CDH13: variants seen among roughly 807,000 people sequenced by gnomAD.
The protein encoded by CDH13 is cadherin-13.
A neutral mutation model predicts 63.8 loss-of-function variants in CDH13; 24 were observed. That is an observed-to-expected ratio of 0.38 (90% CI 0.27 to 0.53). The LOEUF is 0.53. CDH13 is among the 20% of genes least tolerant of loss of function. The probability of loss-of-function intolerance (pLI) is 0.85; values close to 1 mark genes in which losing one functional copy is unlikely to be tolerated. For missense variants in CDH13, 1,049 were observed against 903.1 expected (o/e 1.16, Z -2.07); for synonymous variants, 503 against 355.3 (o/e 1.42, Z -4.67).
At chr16:82,657,459 A>T (rs75822763) in intron 1 of CDH13, among the ~76,000 whole-genome samples, 6,773 of 152,294 alleles carry the variant, frequency 0.044, 178 homozygotes, top group Non-Finnish European at 0.063. Context: ...TCCCGGCAGG[A>T]TGGAGTGGGA....
At chr16:83,212,900 A>C (rs778983688) in intron 4 of CDH13, among the ~76,000 whole-genome samples, 7 of 152,164 alleles carry the variant, frequency 4.6e-5, no homozygotes, top group Admixed American at 3.3e-4. Context: ...CTTGAGACCA[A>C]TTAGTCTAGA....
chr16:82,653,790 C>T (rs1255996857), intron 1 of CDH13, among the ~76,000 whole-genome samples: 1 of 152,136 alleles, frequency 6.6e-6, no homozygotes, highest in East Asian at 1.9e-4. Context: ...CAATGATCAG[C>T]ATGCTTGTGC....
At chr16:82,760,533 A>G (rs1312050217) in intron 1 of CDH13, among the ~76,000 whole-genome samples, 1 of 152,208 alleles carries the variant, frequency 6.6e-6, no homozygotes, top group African/African-American at 2.4e-5. Context: ...GTTTACAAAA[A>G]TGTACCAGTT....
intron 11 of CDH13, among the ~76,000 whole-genome samples, chr16:83,777,233 C>T (rs1915183523): frequency 6.6e-6 from 1 of 152,206 alleles, no homozygotes; most frequent in Non-Finnish European, 1.5e-5. Flanking sequence ...ACTGCCTTTC[C>T]GGAAAGCCTC....
At chr16:82,875,786 G>A (rs1437543287) in intron 2 of CDH13, among the ~76,000 whole-genome samples, 1 of 152,172 alleles carries the variant, frequency 6.6e-6, no homozygotes, top group Non-Finnish European at 1.5e-5. Context: ...TAATAGTAAA[G>A]GAGTGTTAGA....
At chr16:82,997,675 A>G (rs980239632) in intron 2 of CDH13, among the ~76,000 whole-genome samples, 3 of 152,238 alleles carry the variant, frequency 2.0e-5, no homozygotes, top group South Asian at 4.1e-4. Context: ...GGCACAAGAG[A>G]TTTTTCCACA....
intron 6 of CDH13, among the ~76,000 whole-genome samples, chr16:83,468,462 G>T (rs1294805381): frequency 6.6e-6 from 1 of 152,218 alleles, no homozygotes; most frequent in African/African-American, 2.4e-5. Flanking sequence ...AACTGTGAGA[G>T]ACCAAATATC....
At chr16:83,435,654 C>T (rs867850905) in intron 6 of CDH13, among the ~76,000 whole-genome samples, 36 of 152,270 alleles carry the variant, frequency 2.4e-4, no homozygotes, top group African/African-American at 6.5e-4. Flanking sequence ...TTCCCTGTAC[C>T]TCACATCTAA....
chr16:82,956,036 C>T (rs1447811652), intron 2 of CDH13, among the ~76,000 whole-genome samples: 1 of 152,170 alleles, frequency 6.6e-6, no homozygotes, highest in African/African-American at 2.4e-5. Context: ...TCATTGAACT[C>T]TCCAAGTGCA....
chr16:83,136,757 T>C (rs2036307854), intron 4 of CDH13, among the ~76,000 whole-genome samples: 1 of 152,084 alleles, frequency 6.6e-6, no homozygotes, highest in Non-Finnish European at 1.5e-5. Flanking sequence ...GGGTAGATGA[T>C]CAAACACCAG....
intron 5 of CDH13, among the ~76,000 whole-genome samples, chr16:83,314,032 C>T (rs1468635720): frequency 1.3e-5 from 2 of 152,192 alleles, no homozygotes; most frequent in Non-Finnish European, 2.9e-5. Flanking sequence ...TTCTGTATAT[C>T]AACTTAAACT....
chr16:83,733,329 C>G (rs1304210401), intron 10 of CDH13, among the ~76,000 whole-genome samples: 1 of 152,210 alleles, frequency 6.6e-6, no homozygotes, highest in Non-Finnish European at 1.5e-5. Context: ...GAGCTCTCTC[C>G]TTGTGAAACC....
At chr16:82,903,442 G>T (rs1208153593) in intron 2 of CDH13, among the ~76,000 whole-genome samples, 1 of 152,180 alleles carries the variant, frequency 6.6e-6, no homozygotes, top group Non-Finnish European at 1.5e-5. Context: ...GGGAGCCCTA[G>T]CTCATGGTCT....
At chr16:82,638,502 T>A (rs1230975380) in intron 1 of CDH13, among the ~76,000 whole-genome samples, 2 of 152,224 alleles carry the variant, frequency 1.3e-5, no homozygotes, top group African/African-American at 4.8e-5. Flanking sequence ...GATGTCATCC[T>A]ATGCTTAAGA....
intron 2 of CDH13, among the ~76,000 whole-genome samples, chr16:83,017,355 C>T (rs1914907693): frequency 6.6e-6 from 1 of 152,216 alleles, no homozygotes; most frequent in Non-Finnish European, 1.5e-5. Context: ...GACTCTTTGA[C>T]TCCCTGTTAT....
intron 6 of CDH13, among the ~76,000 whole-genome samples, chr16:83,401,839 C>G (rs958637782): frequency 1.3e-5 from 2 of 152,170 alleles, no homozygotes; most frequent in Admixed American, 1.3e-4. Flanking sequence ...TTAGAATTCT[C>G]TGAGCCAAGA....
chr16:82,758,194 T>C (rs557288151), intron 1 of CDH13, among the ~76,000 whole-genome samples: 5 of 152,236 alleles, frequency 3.3e-5, no homozygotes, highest in African/African-American at 1.2e-4. Flanking sequence ...ACCTGGTATT[T>C]TGAGCTATAA....
intron 1 of CDH13, among the ~76,000 whole-genome samples, chr16:82,857,068 A>T (rs2039732793): frequency 6.6e-6 from 1 of 152,188 alleles, no homozygotes; most frequent in Admixed American, 6.5e-5. Context: ...AAAAAATGCA[A>T]AGTCCTGCAC....
rs973130765 is a variant in CDH13 at position 83,022,884 on chromosome 16, A to G, written c.158-9126A>G. On this transcript the variant is annotated intron_variant, in intron 2 of 13. Coordinates refer to ENST00000567109, the MANE Select transcript of CDH13 (RefSeq NM_001257.5). The stretch of plus-strand genomic sequence containing the variant: ...CGCTTATAAGAATAGCACAAAATTC[A>G]TATATTAGTTCATACCTAGCTCTGC... 6.6e-5 allele frequency: 10 copies of G among 152,366 alleles called. 1 individual carries two copies. The highest frequency in any genetic ancestry group is 5.9e-4 in the Admixed American group (9 of 15,300). The allele number at this position is 152,366 out of a possible 1,614,324, so 9.4% of individuals were successfully genotyped here. A position where few individuals can be genotyped will look rare whatever the true frequency, so the allele number is the denominator to read the frequency against.
Sources: gnomAD v4.1 joint callset for allele counts (sites outside exome capture counted in the v4.1 genomes callset) on GRCh38, gnomAD v4.1.1 for gene constraint, MANE v1.5 for transcripts, NCBI Gene and HGNC (gene_info 2026-07-23, HGNC 2026-07-21) for gene names.